PTPRJ: variants seen among roughly 807,000 people sequenced by gnomAD.
PTPRJ encodes the protein receptor-type tyrosine-protein phosphatase eta.
A neutral mutation model predicts 141.3 loss-of-function variants in PTPRJ; 129 were observed. That is an observed-to-expected ratio of 0.91 (90% CI 0.79 to 1.06). The LOEUF (loss-of-function observed/expected upper bound fraction) is 1.06, where lower values mean the gene tolerates loss of function less well. Ranked by LOEUF, PTPRJ falls within the 50% of genes least tolerant of loss-of-function variation. The probability of loss-of-function intolerance (pLI) is 0.00; values close to 1 mark genes in which losing one functional copy is unlikely to be tolerated. For missense variants in PTPRJ, 1,601 were observed against 1,679.7 expected (o/e 0.95, Z 0.82); for synonymous variants, 610 against 640.5 (o/e 0.95, Z 0.72).
At position 48,104,208 on chromosome 11, in the gene PTPRJ, C is replaced by T. The variant is rs1007761537; in HGVS notation, c.97-5850C>T. Reference sequence around the variant, plus strand: ...AGATAGGCCACCCCACAGTGCCACACCTGCCTTCAGGGAAGCTTTTGGGTG... The same window carrying T: ...AGATAGGCCACCCCACAGTGCCACATCTGCCTTCAGGGAAGCTTTTGGGTG... On this transcript the variant is annotated intron_variant, in intron 1 of 24. Coordinates refer to ENST00000418331, the MANE Select transcript of PTPRJ (RefSeq NM_002843.4). 3.9e-5 allele frequency among the ~76,000 whole-genome samples: 6 copies of T among 152,172 alleles called. No homozygotes were observed. The East Asian group carries it at 9.6e-4, about 24-fold the overall frequency.
At chr11:48,068,705 G>T (rs1044233362) in intron 1 of PTPRJ, among the ~76,000 whole-genome samples, 1 of 152,196 alleles carries the variant, frequency 6.6e-6, no homozygotes, top group Admixed American at 6.5e-5. Context: ...ATAGAAGAGC[G>T]AGCTCAGGCA....
chr11:48,001,144 C>T (rs1451260142), intron 1 of PTPRJ, among the ~76,000 whole-genome samples: 1 of 151,862 alleles, frequency 6.6e-6, no homozygotes, highest in Non-Finnish European at 1.5e-5. Context: ...CAGGCATGTG[C>T]CATTACACCT....
At chr11:48,021,408 TAAATAAATAAATA>T (rs545277150) in intron 1 of PTPRJ, among the ~76,000 whole-genome samples, 3,382 of 121,686 alleles carry the variant, frequency 0.028, 112 homozygotes, top group African/African-American at 0.14. Flanking sequence ...AATAAATAAA[TAAATAAATAAATA>T]AAATAAAATA....
chr11:48,068,942 C>CT (rs1855157831), intron 1 of PTPRJ, among the ~76,000 whole-genome samples: 1 of 152,196 alleles, frequency 6.6e-6, no homozygotes, highest in South Asian at 2.1e-4. Flanking sequence ...TGCTGATACT[C>CT]TTATTTTTAT....
At position 48,124,444 on chromosome 11, in the gene PTPRJ, T is replaced by A. The variant is rs1249949243; in HGVS notation, c.875-524T>A. On this transcript the variant is annotated intron_variant, in intron 5 of 24. Transcript: ENST00000418331. ...TAGCGGGAGGCCTTAGAGAAAGAGA[T>A]GAGGCAATTCTCATCCCTCCCTCTT... is the stretch of plus-strand genomic sequence containing the variant. Among the ~76,000 whole-genome samples the A allele has an allele frequency of 4.6e-5, 7 of 152,194 alleles. No individual in the cohort carries two copies. In the East Asian group the frequency reaches 1.2e-3, roughly 25 times the overall value.
At chr11:48,086,770 A>T (rs1206688941) in intron 1 of PTPRJ, among the ~76,000 whole-genome samples, 1 of 152,188 alleles carries the variant, frequency 6.6e-6, no homozygotes, top group Non-Finnish European at 1.5e-5. Context: ...GCTCTTCTAT[A>T]ACTTCCGGGT....
chr11:48,085,249 A>C (rs776115355), intron 1 of PTPRJ, among the ~76,000 whole-genome samples: 2 of 105,392 alleles, frequency 1.9e-5, no homozygotes, highest in Non-Finnish European at 4.4e-5. Flanking sequence ...AAATAATGCT[A>C]TCTCTCTCAC....
At chr11:48,114,151 C>G (rs56326889) in intron 3 of PTPRJ, among the ~76,000 whole-genome samples, 9 of 151,940 alleles carry the variant, frequency 5.9e-5, no homozygotes, top group African/African-American at 9.7e-5. Context: ...TTAGAAATTC[C>G]TAAGGGGCTG....
Position 48,123,477 on chromosome 11 carries a change from T to C in PTPRJ, c.617-136T>C, listed in dbSNP as rs145438953. 8.7e-5 allele frequency: 73 copies of C among 843,784 alleles called. No individual in the cohort carries two copies. The East Asian group carries it at 1.9e-3, about 21-fold the overall frequency. 52.3% of individuals were successfully genotyped at this position (843,784 alleles called of 1,614,324 possible). The stretch of plus-strand genomic sequence containing the variant: ...AAGGAAGTATTTTTAGTGAGTCACA[T>C]TGGGACATCAGTGACCTCAGTCATT... On this transcript the variant is annotated intron_variant, in intron 4 of 24. Transcript: ENST00000418331.
intron 1 of PTPRJ, among the ~76,000 whole-genome samples, chr11:47,989,272 CTT>C (rs1027140071): frequency 7.2e-6 from 1 of 139,470 alleles, no homozygotes; most frequent in Admixed American, 7.2e-5. Flanking sequence ...TTTTTGTTTT[CTT>C]TTTTTTTTTG....
chr11:48,015,381 C>T (rs1322331521), intron 1 of PTPRJ, among the ~76,000 whole-genome samples: 1 of 151,982 alleles, frequency 6.6e-6, no homozygotes, highest in African/African-American at 2.4e-5. Flanking sequence ...GACACTTCTG[C>T]AGGATGGGAC....
At chr11:48,141,652 G>A (rs1372398174) in intron 11 of PTPRJ, among the ~76,000 whole-genome samples, 1 of 152,092 alleles carries the variant, frequency 6.6e-6, no homozygotes, top group Non-Finnish European at 1.5e-5. Flanking sequence ...ACACCTTAGA[G>A]TTCCACCACA....
At chr11:48,029,045 A>G (rs1413367037) in intron 1 of PTPRJ, among the ~76,000 whole-genome samples, 3 of 152,180 alleles carry the variant, frequency 2.0e-5, no homozygotes, top group Non-Finnish European at 4.4e-5. Flanking sequence ...TGTGTTGTGC[A>G]GTGGTTTTGA....
At chr11:48,003,450 TC>T (rs1444000863) in intron 1 of PTPRJ, among the ~76,000 whole-genome samples, 1 of 152,124 alleles carries the variant, frequency 6.6e-6, no homozygotes, top group Non-Finnish European at 1.5e-5. Flanking sequence ...ATTATGTCCG[TC>T]CCAGCACTGG....
intron 3 of PTPRJ, 79 bp downstream of exon 3, chr11:48,113,062 T>C (rs1816642240): frequency 8.1e-7 from 1 of 1,234,926 alleles, no homozygotes; most frequent in Admixed American, 2.3e-5. Flanking sequence ...TTCCAAATAC[T>C]GTTCTTCTTT....
intron 18 of PTPRJ, 90 bp from the exon 19 acceptor site, chr11:48,153,706 G>T: frequency 2.4e-6 from 2 of 824,890 alleles, no homozygotes; most frequent in South Asian, 2.9e-5. Context: ...CTATGGGACT[G>T]TTGGGCTGGT....
rs1425226664 is a variant in PTPRJ at position 48,125,101 on chromosome 11, G to T, written c.1008G>T (p.Glu336Asp). Residue 336 changes from glutamate (E) to aspartate (D), a missense_variant, in exon 6 of 25, where the codon GAG becomes GAT. Coordinates refer to ENST00000418331, the MANE Select transcript of PTPRJ (RefSeq NM_002843.4). ...CGGAAGTCCTGCTTGTCGGGTTAGA[G>T]CCTGGCACCCGATACAATGCCACCG... The part of the protein sequence containing the change: ...RDTEVLLVGL[E>D]PGTRYNATVY... The T allele has an allele frequency of 6.2e-7, 1 of 1,614,092 alleles. No homozygotes were observed. Among genetic ancestry groups the T allele is most frequent in the Admixed American group, 1.7e-5 (1 of 60,020 alleles).
At chr11:48,081,331 T>C (rs1295297936) in intron 1 of PTPRJ, among the ~76,000 whole-genome samples, 1 of 152,150 alleles carries the variant, frequency 6.6e-6, no homozygotes, top group Non-Finnish European at 1.5e-5. Flanking sequence ...CCCAGAACAG[T>C]CTGAGTCAGT....
intron 1 of PTPRJ, among the ~76,000 whole-genome samples, chr11:47,997,545 G>C (rs953081617): frequency 3.3e-5 from 5 of 152,132 alleles, no homozygotes; most frequent in Non-Finnish European, 5.9e-5. Flanking sequence ...TCTAGGTGTC[G>C]AGTTCTTCCC....
Sources: gnomAD v4.1 joint callset for allele counts (sites outside exome capture counted in the v4.1 genomes callset) on GRCh38, gnomAD v4.1.1 for gene constraint, MANE v1.5 for transcripts, NCBI Gene and HGNC (gene_info 2026-07-23, HGNC 2026-07-21) for gene names.